The following DGKE variants were observed in gnomAD, a reference collection of about 807,000 sequenced individuals.
DGKE encodes the protein DAG kinase epsilon.
Under a neutral mutation model 70.0 loss-of-function variants are expected in DGKE, and 53 were observed. The observed-to-expected ratio is 0.76, with a 90% CI of 0.61 to 0.95. DGKE has a LOEUF of 0.95. Among genes scored for constraint, DGKE ranks in the 40% least tolerant of loss-of-function variants. The pLI is 0.00. For missense variants in DGKE, 655 were observed against 706.9 expected (o/e 0.93, Z 0.83); for synonymous variants, 291 against 257.0 (o/e 1.13, Z -1.27).
At chr17:56,839,951 C>T (rs952557683) in intron 2 of DGKE, among the ~76,000 whole-genome samples, 7 of 152,198 alleles carry the variant, frequency 4.6e-5, no homozygotes, top group Admixed American at 3.9e-4. Context: ...GAGGCCAAGG[C>T]GGGCAGAGTT....
At chr17:56,858,560 T>C (rs758139597) in intron 8 of DGKE, 34 bp from the exon 9 acceptor site, 1 of 1,539,920 alleles carries the variant, frequency 6.5e-7, no homozygotes, top group Non-Finnish European at 8.8e-7. Flanking sequence ...GGTTAGATTG[T>C]TTTAATATTA....
chr17:56,835,433 C>T, intron 2 of DGKE, 174 bp downstream of exon 2: 1 of 692,528 alleles, frequency 1.4e-6, no homozygotes, highest in Non-Finnish European at 2.3e-6. Context: ...TTGCAGTAGT[C>T]ATTTGCTGAG....
In DGKE at chr17:56,847,908, T is replaced by C; in HGVS notation, c.745-14T>C. ...GTTGGATAAAAATAATTTGTCTTTT[T>C]CTTTTGTTTCTAGGTTTTTGATGTA... On this transcript the variant is annotated splice_polypyrimidine_tract_variant and intron_variant, in intron 4 of 11. Coordinates refer to ENST00000284061, the MANE Select transcript of DGKE (RefSeq NM_003647.3). The C allele has an allele frequency of 6.5e-7, 1 of 1,533,402 alleles. No homozygotes were observed. Among genetic ancestry groups the C allele is most frequent in the Non-Finnish European group, 8.8e-7 (1 of 1,140,796 alleles). 95.0% of individuals were successfully genotyped at this position (1,533,402 alleles called of 1,614,324 possible). A position where few individuals can be genotyped will look rare whatever the true frequency, so the allele number is the denominator to read the frequency against.
At chr17:56,840,792 G>T (rs368883977) in intron 2 of DGKE, among the ~76,000 whole-genome samples, 12 of 152,186 alleles carry the variant, frequency 7.9e-5, no homozygotes, top group East Asian at 5.8e-4. Context: ...GAACTGGGAG[G>T]GGGGGGAATA....
At chr17:56,862,482 CAT>C (rs1378165357) in intron 11 of DGKE, 128 bp from the exon 12 acceptor site, 4 of 941,708 alleles carry the variant, frequency 4.2e-6, no homozygotes, top group African/African-American at 3.3e-5. Flanking sequence ...TGAATAAAAA[CAT>C]ATTCAGATTA....
At position 56,868,714 on chromosome 17, in the gene DGKE, A is replaced by G. The variant is rs1273423146; in HGVS notation, c.*5923A>G. 6.6e-6 allele frequency: 1 copy of G among 152,246 alleles called. No individual in the cohort carries two copies. The highest frequency in any genetic ancestry group is 1.9e-4 in the East Asian group (1 of 5,202). 9.4% of individuals were successfully genotyped at this position (152,246 alleles called of 1,614,324 possible). On this transcript the variant is annotated 3_prime_UTR_variant, in exon 12 of 12. Coordinates refer to ENST00000284061, the MANE Select transcript of DGKE (RefSeq NM_003647.3). ...TAGTTTTTTGACACAACCATGAGAT[A>G]CAATAAGCAGCTTTGACTTAGTGTC...
Position 56,859,667 on chromosome 17 carries a change from C to T in DGKE, c.1284+1002C>T, listed in dbSNP as rs1270604556. On this transcript the variant is annotated intron_variant, in intron 9 of 11. Transcript: ENST00000284061. ...TCTCCTGACCTCGTGATCTGCCCGA[C>T]TCAGCCTCCCAAAGTGCTGGGATTA... 5.3e-5 allele frequency among the ~76,000 whole-genome samples: 8 copies of T among 152,160 alleles called. No individual in the cohort carries two copies. In the East Asian group the frequency reaches 1.5e-3, roughly 29 times the overall value.
At position 56,834,802 on chromosome 17, in the gene DGKE, G is replaced by A; in HGVS notation, c.7G>A (p.Ala3Thr). 6.2e-7 allele frequency: 1 copy of A among 1,600,972 alleles called. No individual in the cohort carries two copies. Among genetic ancestry groups the A allele is most frequent in the Non-Finnish European group, 8.5e-7 (1 of 1,174,556 alleles). ...GGTATCGTCCTTGGAGAAGATGGAA[G>A]CGGAGAGGCGGCCGGCGCCGGGCTC... ME[A>T]ERRPAPGSPS... The change falls in exon 2 of 12, where the codon GCG becomes ACG. Residue 3 changes from alanine to threonine, a missense_variant. Coordinates refer to ENST00000284061, the MANE Select transcript of DGKE (RefSeq NM_003647.3).
rs940199863 is a variant in DGKE, at chr17:56,865,403, G to C, written c.*2612G>C. On this transcript the variant is annotated 3_prime_UTR_variant, in exon 12 of 12. Transcript: ENST00000284061. ...CAATACATTCCTAATTCCTATAAAC[G>C]TAGTGGCTTAAATACTGAATACCTG... 2.0e-5 allele frequency: 3 copies of C among 151,906 alleles called. No homozygotes were observed. Among genetic ancestry groups the C allele is most frequent in the African/African-American group, 7.3e-5 (3 of 41,364 alleles). The allele number at this position is 151,906 out of a possible 1,614,324, so 9.4% of individuals were successfully genotyped here.
At chr17:56,835,874 C>G (rs1365495970) in intron 2 of DGKE, 1 of 152,422 alleles carries the variant, frequency 6.6e-6, no homozygotes, top group African/African-American at 2.4e-5. Context: ...CTTTTATATA[C>G]ACACTGGACA....
intron 2 of DGKE, among the ~76,000 whole-genome samples, chr17:56,841,283 C>T (rs1247847431): frequency 6.7e-6 from 1 of 149,970 alleles, no homozygotes; most frequent in East Asian, 2.0e-4. Flanking sequence ...TTAAATGAAA[C>T]AGCATTTAAG....
In DGKE at chr17:56,856,597, C is replaced by G. The variant is rs1907965797; in HGVS notation, c.1184C>G (p.Ser395Cys). Residue 395 changes from serine to cysteine, a missense_variant, in exon 8 of 12, where the codon TCT becomes TGT. By Grantham distance (112) the Ser-to-Cys change is moderately radical. Transcript: ENST00000284061. ...CATGCTCATCGTGAGAAGGCACCAT[C>G]TCTGTTTTCTAGCAGAATTCTTAAT... ...NFHAHREKAP[S>C]LFSSRILNKA... 6.2e-7 allele frequency: 1 copy of G among 1,613,780 alleles called. No homozygotes were observed. Among genetic ancestry groups the G allele is most frequent in the Non-Finnish European group, 8.5e-7 (1 of 1,179,868 alleles).
intron 2 of DGKE, among the ~76,000 whole-genome samples, chr17:56,836,870 C>T (rs1906654733): frequency 6.6e-6 from 1 of 152,178 alleles, no homozygotes; most frequent in African/African-American, 2.4e-5. Flanking sequence ...GACATTTCTG[C>T]CCCTTTGCTC....
chr17:56,843,952 T>G (rs1245116959), intron 2 of DGKE, 67 bp from the exon 3 acceptor site: 2 of 1,408,790 alleles, frequency 1.4e-6, no homozygotes, highest in East Asian at 5.3e-5. Flanking sequence ...CAAAAATGAT[T>G]GTTTTGTGGG....
At chr17:56,854,343 C>CG (rs1451248172) in intron 7 of DGKE, among the ~76,000 whole-genome samples, 1 of 151,530 alleles carries the variant, frequency 6.6e-6, no homozygotes, top group Non-Finnish European at 1.5e-5. Flanking sequence ...TTTTTTGAGA[C>CG]GGGGTCTCAT....
At chr17:56,845,865 T>C in intron 4 of DGKE, 56 bp downstream of exon 4, 1 of 1,487,780 alleles carries the variant, frequency 6.7e-7, no homozygotes, top group South Asian at 1.4e-5. Context: ...CAAAATGCAA[T>C]GATTATTAAT....
chr17:56,851,541 AT>A (rs1907651203), intron 7 of DGKE, among the ~76,000 whole-genome samples: 1 of 152,196 alleles, frequency 6.6e-6, no homozygotes, highest in East Asian at 1.9e-4. Flanking sequence ...TAGTCCTATA[AT>A]GAAGCTTATA....
Position 56,844,085 on chromosome 17 carries a change from T to G in DGKE, c.531T>G (p.Cys177Trp). 1 of 1,584,218 alleles carries G rather than the reference T, an allele frequency of 6.3e-7. No individual in the cohort carries two copies. Among genetic ancestry groups the G allele is most frequent in the South Asian group, 1.2e-5 (1 of 85,652 alleles). Residue 177 changes from cysteine (C) to tryptophan (W), a missense_variant, in exon 3 of 12, where the codon TGT (cysteine) becomes TGG (tryptophan). Cys to Trp is a radical substitution (Grantham distance 215, BLOSUM62 -2). Transcript: ENST00000284061. ...AAAATAGTTTAAAGAATGAAAAATG[T>G]GATTTTGGAGAATTCAAAAACCTAA... ...CMKNSLKNEK[C>W]DFGEFKNLII...
At position 56,842,566 on chromosome 17, in the gene DGKE, C is replaced by G. The variant is rs75029742; in HGVS notation, c.465-1453C>G. The stretch of plus-strand genomic sequence containing the variant: ...TTTAAAATTAACAAATGTGATTATG[C>G]AAATTATTTCAGTTTTCTCTGTAAC... On this transcript the variant is annotated intron_variant, in intron 2 of 11. Transcript: ENST00000284061. Among the ~76,000 whole-genome samples the G allele has an allele frequency of 1.2e-3, 183 of 152,242 alleles. 2 individuals are homozygous for G. The highest frequency in any genetic ancestry group is 4.2e-3 in the African/African-American group (175 of 41,530).
Sources: allele counts gnomAD v4.1 joint callset (sites outside exome capture counted in the v4.1 genomes callset), GRCh38; gene constraint gnomAD v4.1.1; transcripts MANE v1.5; gene names NCBI Gene and HGNC (gene_info 2026-07-23, HGNC 2026-07-21).